Variants in EEFSEC observed in about 807,000 individuals in gnomAD.
The protein encoded by EEFSEC is eukaryotic elongation factor, selenocysteine-tRNA specific.
In EEFSEC, 43 loss-of-function variants were observed where a neutral mutation model predicts 42.1. The ratio of observed to expected loss-of-function variants is 1.02; its 90% CI spans 0.80 to 1.32. The LOEUF (loss-of-function observed/expected upper bound fraction) is 1.32. EEFSEC is among the 40% of genes most tolerant of loss of function. EEFSEC has a pLI of 0.00. For synonymous variants in EEFSEC, 354 were observed against 339.1 expected (o/e 1.04, Z -0.48); for missense variants, 745 against 803.6 (o/e 0.93, Z 0.88).
At chr3:128,287,320 G>T (rs868278060) in intron 4 of EEFSEC, among the ~76,000 whole-genome samples, 7 of 152,142 alleles carry the variant, frequency 4.6e-5, no homozygotes, top group South Asian at 2.1e-4. Context: ...GTGCAGCCAT[G>T]GGGGGAGGAA....
chr3:128,336,806 G>A (rs2067194753), intron 4 of EEFSEC: 1 of 147,060 alleles, frequency 6.8e-6, no homozygotes, highest in African/African-American at 2.7e-5. Flanking sequence ...GTATTCAGTG[G>A]TGATCTAATT....
At chr3:128,261,723 C>T (rs908857261) in intron 2 of EEFSEC, among the ~76,000 whole-genome samples, 2 of 152,148 alleles carry the variant, frequency 1.3e-5, no homozygotes, top group Non-Finnish European at 2.9e-5. Context: ...CTTCCAGGTA[C>T]ATCTGCAGAT....
chr3:128,153,724 G>A lies in EEFSEC; in HGVS notation c.217G>A (p.Ala73Thr). The A allele has an allele frequency of 6.4e-7, 1 of 1,568,556 alleles. No individual in the cohort carries two copies. The highest frequency in any genetic ancestry group is 8.6e-7 in the Non-Finnish European group (1 of 1,166,590). Reference sequence around the variant, plus strand: ...GCGGTCGTCTTTGCCCGAGTTCCAGGCAGCGCCCGAGGCCGAGCCCGAGCC... The same window carrying A: ...GCGGTCGTCTTTGCCCGAGTTCCAGACAGCGCCCGAGGCCGAGCCCGAGCC... ...RLRSSLPEFQ[A>T]APEAEPEPGE... Residue 73 changes from alanine to threonine, a missense_variant, in exon 1 of 7, where the codon GCA becomes ACA. Physicochemically the swap from Ala to Thr is moderately conservative, Grantham distance 58. Transcript: ENST00000254730.
At chr3:128,367,979 A>G (rs1304490743) in intron 6 of EEFSEC, among the ~76,000 whole-genome samples, 1 of 152,190 alleles carries the variant, frequency 6.6e-6, no homozygotes, top group East Asian at 1.9e-4. Flanking sequence ...CAGGAATTCC[A>G]TGGGGCCAGT....
chr3:128,247,010 C>G lies in EEFSEC; in HGVS notation c.491C>G (p.Thr164Ser), dbSNP rs2066135709. ...AGACAGGCAGCAATTGATAAAATGA[C>G]CAAGAAAATGCAGAAGACCCTAGAG... ...GKRQAAIDKM[T>S]KKMQKTLENT... Residue 164 changes from threonine to serine, a missense_variant, in exon 2 of 7, where the codon ACC (threonine) becomes AGC (serine). Thr to Ser is a moderately conservative substitution (Grantham distance 58). Transcript: ENST00000254730. 10 of 1,613,958 alleles carry G rather than the reference C, an allele frequency of 6.2e-6. No individual in the cohort carries two copies. The highest frequency in any genetic ancestry group is 1.3e-5 in the African/African-American group (1 of 74,894).
At chr3:128,182,492 A>G (rs1219234643) in intron 1 of EEFSEC, among the ~76,000 whole-genome samples, 1 of 152,182 alleles carries the variant, frequency 6.6e-6, no homozygotes, top group Non-Finnish European at 1.5e-5. Context: ...CACTCCCCGC[A>G]CTGCCAACAC....
chr3:128,401,935 G>A (rs2068052577), intron 6 of EEFSEC, among the ~76,000 whole-genome samples: 3 of 152,220 alleles, frequency 2.0e-5, no homozygotes, highest in African/African-American at 7.2e-5. Flanking sequence ...CAGACTCAGA[G>A]CATGGCAGAG....
chr3:128,307,251 A>G (rs1403607639), intron 4 of EEFSEC, among the ~76,000 whole-genome samples: 3 of 152,260 alleles, frequency 2.0e-5, no homozygotes, highest in Non-Finnish European at 2.9e-5. Context: ...CAGAGACAGC[A>G]GATGGAGCCA....
At chr3:128,206,495 G>T (rs1440628384) in intron 1 of EEFSEC, among the ~76,000 whole-genome samples, 2 of 152,184 alleles carry the variant, frequency 1.3e-5, no homozygotes, top group African/African-American at 4.8e-5. Context: ...GTCTGTGTGA[G>T]CACAGAACAC....
At chr3:128,239,439 T>A (rs778895096) in intron 1 of EEFSEC, among the ~76,000 whole-genome samples, 3 of 152,166 alleles carry the variant, frequency 2.0e-5, no homozygotes, top group African/African-American at 4.8e-5. Context: ...GGCATCAGCA[T>A]CTTCCAAGGA....
chr3:128,344,346 A>C (rs2067288369), intron 5 of EEFSEC, among the ~76,000 whole-genome samples: 1 of 152,238 alleles, frequency 6.6e-6, no homozygotes, highest in South Asian at 2.1e-4. Context: ...TCCTATGTAC[A>C]TTTTTCCCCA....
chr3:128,253,838 G>C (rs1308427641), intron 2 of EEFSEC, among the ~76,000 whole-genome samples: 1 of 152,128 alleles, frequency 6.6e-6, no homozygotes, highest in African/African-American at 2.4e-5. Context: ...GCCCTCTTTG[G>C]AATCTCCTTA....
At chr3:128,226,392 G>C (rs2065907562) in intron 1 of EEFSEC, among the ~76,000 whole-genome samples, 1 of 152,164 alleles carries the variant, frequency 6.6e-6, no homozygotes, top group African/African-American at 2.4e-5. Flanking sequence ...AGTCATATCT[G>C]GTCCAGGGGC....
chr3:128,312,053 A>G (rs778713312), intron 4 of EEFSEC, among the ~76,000 whole-genome samples: 17 of 152,164 alleles, frequency 1.1e-4, no homozygotes, highest in Admixed American at 4.6e-4. Flanking sequence ...CTGAATTCAC[A>G]TGAGGGATAA....
intron 6 of EEFSEC, among the ~76,000 whole-genome samples, chr3:128,399,477 C>T (rs1444208976): frequency 6.6e-6 from 1 of 152,196 alleles, no homozygotes; most frequent in African/African-American, 2.4e-5. Context: ...GCAGGGACAG[C>T]AGAGTACAGG....
chr3:128,176,944 G>A (rs2065355275), intron 1 of EEFSEC, among the ~76,000 whole-genome samples: 1 of 151,612 alleles, frequency 6.6e-6, no homozygotes, highest in Admixed American at 6.6e-5. Context: ...TCCCTGAGAT[G>A]CTGTAATTTT....
In EEFSEC at chr3:128,273,954, C is replaced by G. The variant is rs537038008; in HGVS notation, c.786+9173C>G. On this transcript the variant is annotated intron_variant, in intron 4 of 6. Coordinates refer to ENST00000254730, the MANE Select transcript of EEFSEC (RefSeq NM_021937.5). ...AGAGTCCCACTTGGGCCCAGGTTGA[C>G]CTGCAGCCTCCCAACCCTTTGATGG... 2.6e-5 allele frequency among the ~76,000 whole-genome samples: 4 copies of G among 152,324 alleles called. No homozygotes were observed. The South Asian group carries it at 8.3e-4, about 32-fold the overall frequency.
intron 4 of EEFSEC, among the ~76,000 whole-genome samples, chr3:128,303,651 C>G (rs1486680790): frequency 6.6e-6 from 1 of 152,126 alleles, no homozygotes; most frequent in Non-Finnish European, 1.5e-5. Flanking sequence ...ACTGTACCTT[C>G]TCTCATTAAA....
chr3:128,182,362 T>TA (rs2065417383), intron 1 of EEFSEC, among the ~76,000 whole-genome samples: 1 of 152,158 alleles, frequency 6.6e-6, no homozygotes, highest in Non-Finnish European at 1.5e-5. Context: ...TCCAGGATTT[T>TA]AAAAAAGTAT....
Sources: gnomAD v4.1 joint callset for allele counts (sites outside exome capture counted in the v4.1 genomes callset) on GRCh38, gnomAD v4.1.1 for gene constraint, MANE v1.5 for transcripts, NCBI Gene and HGNC (gene_info 2026-07-23, HGNC 2026-07-21) for gene names.